Variants in BTNL8 observed in about 807,000 individuals in gnomAD.
BTNL8 encodes butyrophilin-like protein 8.
Under a neutral mutation model 36.1 loss-of-function variants are expected in BTNL8, and 22 were observed. That is an observed-to-expected ratio of 0.61 (90% CI 0.44 to 0.87). The LOEUF (loss-of-function observed/expected upper bound fraction) is 0.87. BTNL8 is among the 40% of genes least tolerant of loss of function. The probability of loss-of-function intolerance (pLI) is 0.00; values close to 1 mark genes in which losing one functional copy is unlikely to be tolerated. For missense variants in BTNL8, 526 were observed against 616.9 expected, an observed-to-expected ratio of 0.85 and a Z score of 1.56; for synonymous variants, 203 against 235.6, an observed-to-expected ratio of 0.86 and a Z score of 1.27.
At chr5:180,946,891 A>G (rs1432123642) in intron 3 of BTNL8, among the ~76,000 whole-genome samples, 4 of 152,208 alleles carry the variant, frequency 2.6e-5, no homozygotes, top group Non-Finnish European at 4.4e-5. Flanking sequence ...TGATTTGTCA[A>G]TTTAAATAAT....
chr5:180,909,005 A>C (rs1463438178), intron 2 of BTNL8, 72 bp downstream of exon 2: 2 of 1,464,178 alleles, frequency 1.4e-6, no homozygotes, highest in African/African-American at 1.4e-5. Context: ...TTTTTCAATA[A>C]GGAAATTTTA....
intron 1 of BTNL8, among the ~76,000 whole-genome samples, chr5:180,905,215 G>A (rs1757024531): frequency 6.6e-6 from 1 of 151,222 alleles, no homozygotes; most frequent in Non-Finnish European, 1.5e-5. Context: ...CCTGTTATTG[G>A]TCGATTCAGA....
At chr5:180,900,227 A>G (rs1364161533) in intron 1 of BTNL8, among the ~76,000 whole-genome samples, 1 of 152,236 alleles carries the variant, frequency 6.6e-6, no homozygotes, top group African/African-American at 2.4e-5. Context: ...GTGAGGCAGC[A>G]GGACATCCTG....
chr5:180,930,588 AG>A (rs780996925), intron 3 of BTNL8, among the ~76,000 whole-genome samples: 2 of 152,222 alleles, frequency 1.3e-5, no homozygotes, highest in African/African-American at 2.4e-5. Flanking sequence ...AATCTCCTTA[AG>A]CTGATAAGCA....
At position 180,907,564 on chromosome 5, in the gene BTNL8, G is replaced by A. The variant is rs1757142608; in HGVS notation, c.50-1022G>A. The stretch of plus-strand genomic sequence containing the variant: ...CATCCAGCTTTGTTCCGTTGCTGGT[G>A]AGGAACTGCGTTCCTTTGGAGGAGG... On this transcript the variant is annotated intron_variant, in intron 1 of 7. Coordinates refer to ENST00000340184, the MANE Select transcript of BTNL8 (RefSeq NM_001040462.3). Among the ~76,000 whole-genome samples the A allele has an allele frequency of 2.0e-5, 3 of 147,330 alleles. No individual in the cohort carries two copies. In the South Asian group the frequency reaches 6.3e-4, roughly 31 times the overall value.
At chr5:180,943,183 G>T (rs1759071379) in intron 3 of BTNL8, among the ~76,000 whole-genome samples, 1 of 130,610 alleles carries the variant, frequency 7.7e-6, no homozygotes. Flanking sequence ...CGCCCAGACT[G>T]CAGTGCAATG....
At chr5:180,913,831 C>T (rs544155687) in intron 3 of BTNL8, among the ~76,000 whole-genome samples, 1 of 152,322 alleles carries the variant, frequency 6.6e-6, no homozygotes, top group African/African-American at 2.4e-5. Context: ...TTGAAAAATA[C>T]ATCTTGGGCT....
intron 3 of BTNL8, among the ~76,000 whole-genome samples, chr5:180,912,115 C>T (rs1757426382): frequency 2.0e-5 from 3 of 152,228 alleles, no homozygotes; most frequent in Non-Finnish European, 2.9e-5. Flanking sequence ...GACACTGGCT[C>T]TTCCTGGCCT....
intron 1 of BTNL8, among the ~76,000 whole-genome samples, chr5:180,907,894 G>A (rs942874289): frequency 5.6e-4 from 85 of 151,608 alleles, no homozygotes; most frequent in Admixed American, 1.6e-3. Flanking sequence ...CTCCAGCTGC[G>A]TGCTGGGAGA....
chr5:180,945,404 A>G (rs1759185970), intron 3 of BTNL8, among the ~76,000 whole-genome samples: 1 of 152,222 alleles, frequency 6.6e-6, no homozygotes, highest in East Asian at 1.9e-4. Flanking sequence ...GATCTTGGCA[A>G]TAATTTTTTT....
At chr5:180,949,552 C>T in intron 7 of BTNL8, 1 of 548,142 alleles carries the variant, frequency 1.8e-6, no homozygotes, top group Non-Finnish European at 3.1e-6. Flanking sequence ...GGGGTCTGAG[C>T]TGAGGGGAAG....
intron 3 of BTNL8, among the ~76,000 whole-genome samples, chr5:180,921,898 T>C (rs1023776336): frequency 6.6e-6 from 1 of 152,040 alleles, no homozygotes; most frequent in African/African-American, 2.4e-5. Context: ...AATGGTTTTA[T>C]GAAACAAAAA....
At position 180,908,293 on chromosome 5, in the gene BTNL8, C is replaced by A. The variant is rs1199834060; in HGVS notation, c.50-293C>A. ...GATTTTCCAGGTGCGTCCGTCACCC[C>A]TTTCTTTGACTCGGAAAGGGAACTC... On this transcript the variant is annotated intron_variant, in intron 1 of 7. Transcript: ENST00000340184. Among the ~76,000 whole-genome samples, 6 of 152,298 alleles carry A rather than the reference C, an allele frequency of 3.9e-5. No individual in the cohort carries two copies. The South Asian group carries it at 6.2e-4, about 16-fold the overall frequency.
Position 180,935,178 on chromosome 5 carries a change from AT to A in BTNL8, c.674-12332del, listed in dbSNP as rs1758587506. On this transcript the variant is annotated intron_variant, in intron 3 of 7. Transcript: ENST00000340184. This position sits in a 1 kb window ranked among gnomAD's most constrained non-coding sequence, Gnocchi z 4.8. ...GGGTGGCTGGGAAAAAGCACCATAA[AT>A]TCTGACTCCAGGCAGTGGACTCCAC... is the stretch of plus-strand genomic sequence containing the variant. Among the ~76,000 whole-genome samples the A allele has an allele frequency of 6.6e-6, 1 of 152,126 alleles. No individual in the cohort carries two copies. Among genetic ancestry groups the A allele is most frequent in the African/African-American group, 2.4e-5 (1 of 41,422 alleles).
chr5:180,922,925 CT>C (rs1350487346), intron 3 of BTNL8, among the ~76,000 whole-genome samples: 7 of 152,104 alleles, frequency 4.6e-5, no homozygotes, highest in African/African-American at 1.7e-4. Context: ...GAACTGAACC[CT>C]TTACCATCAT....
chr5:180,915,626 G>A (rs139450209), intron 3 of BTNL8, among the ~76,000 whole-genome samples: 3,164 of 152,272 alleles, frequency 0.021, 105 homozygotes, highest in African/African-American at 0.071. Flanking sequence ...GACTAGAGGA[G>A]GAGGAGTGAC....
intron 3 of BTNL8, among the ~76,000 whole-genome samples, chr5:180,938,531 CCTTCCTTTCTTT>C (rs1217560093): frequency 6.8e-6 from 1 of 147,474 alleles, no homozygotes; most frequent in African/African-American, 2.6e-5. Context: ...TTCCTTCCTT[CCTTCCTTTCTTT>C]CTTTTTTTTT....
At chr5:180,937,394 A>G (rs1039697072) in intron 3 of BTNL8, among the ~76,000 whole-genome samples, 1 of 152,216 alleles carries the variant, frequency 6.6e-6, no homozygotes, top group Non-Finnish European at 1.5e-5. Flanking sequence ...GGTACTTCCA[A>G]TGTTGATTAC....
chr5:180,900,794 AC>A (rs752705345), intron 1 of BTNL8, among the ~76,000 whole-genome samples: 1 of 152,202 alleles, frequency 6.6e-6, no homozygotes, highest in Non-Finnish European at 1.5e-5. Context: ...GGCAACTGGG[AC>A]CCAGTCCCAC....
Sources: allele counts gnomAD v4.1 joint callset (sites outside exome capture counted in the v4.1 genomes callset), GRCh38; gene constraint gnomAD v4.1.1; non-coding constraint Gnocchi (gnomAD v3.1); transcripts MANE v1.5; gene names NCBI Gene and HGNC (gene_info 2026-07-23, HGNC 2026-07-21).